Variants in CORO2B observed in about 807,000 individuals in gnomAD.
CORO2B encodes the protein coronin 2B.
A neutral mutation model predicts 58.8 loss-of-function variants in CORO2B; 26 were observed. The observed-to-expected ratio is 0.44, with a 90% CI of 0.32 to 0.61. The LOEUF (loss-of-function observed/expected upper bound fraction) is 0.61, where lower values mean the gene tolerates loss of function less well. Among genes scored for constraint, CORO2B ranks in the 20% least tolerant of loss-of-function variants. CORO2B has a pLI of 0.04. For missense variants in CORO2B, 460 were observed against 645.1 expected (o/e 0.71, Z 3.11); for synonymous variants, 242 against 253.8 (o/e 0.95, Z 0.44).
chr15:68,650,801 G>A (rs897925714), intron 2 of CORO2B, among the ~76,000 whole-genome samples: 2 of 152,084 alleles, frequency 1.3e-5, no homozygotes, highest in African/African-American at 4.8e-5. Flanking sequence ...GAGGCAATTC[G>A]CTGATGTGAA....
intron 1 of CORO2B, among the ~76,000 whole-genome samples, chr15:68,610,851 A>T (rs1595966891): frequency 6.6e-6 from 1 of 152,166 alleles, no homozygotes; most frequent in African/African-American, 2.4e-5. Flanking sequence ...TAGACACTTC[A>T]CTGTCCCTTG....
chr15:68,630,268 G>T (rs1157823537), intron 1 of CORO2B, among the ~76,000 whole-genome samples: 1 of 152,206 alleles, frequency 6.6e-6, no homozygotes, highest in Non-Finnish European at 1.5e-5. Flanking sequence ...CGGGCAGCAT[G>T]AACTTGACTA....
At position 68,671,396 on chromosome 15, in the gene CORO2B, C is replaced by T. The variant is rs142001764; in HGVS notation, c.217-23744C>T. ...TAGACCCACATATGAGCCAAAGCCT[C>T]ACCCACATGGCTTACCTGCCTCAGT... On this transcript the variant is annotated intron_variant, in intron 2 of 11. Transcript: ENST00000261861. Among the ~76,000 whole-genome samples, 3 of 152,316 alleles carry T rather than the reference C, an allele frequency of 2.0e-5. No homozygotes were observed. In the East Asian group the frequency reaches 5.8e-4, roughly 29 times the overall value.
chr15:68,710,596 T>C lies in CORO2B; in HGVS notation c.334-136T>C. On this transcript the variant is annotated intron_variant, in intron 3 of 11. Coordinates refer to ENST00000261861, the MANE Select transcript of CORO2B (RefSeq NM_006091.5). This position sits in a 1 kb window ranked among gnomAD's most constrained non-coding sequence, Gnocchi z 4.1. Reference sequence around the variant, plus strand: ...CCTCCCAGCAGGCCTCAGTCGAGCTTTGCCCATCGCCTCAAGCCAGGAGGT... The same window carrying C: ...CCTCCCAGCAGGCCTCAGTCGAGCTCTGCCCATCGCCTCAAGCCAGGAGGT... The C allele has an allele frequency of 9.6e-7, 1 of 1,039,894 alleles. No individual in the cohort carries two copies. The highest frequency in any genetic ancestry group is 1.3e-6 in the Non-Finnish European group (1 of 753,992). 64.4% of individuals were successfully genotyped at this position (1,039,894 alleles called of 1,614,324 possible). A position where few individuals can be genotyped will look rare whatever the true frequency, so the allele number is the denominator to read the frequency against.
intron 3 of CORO2B, among the ~76,000 whole-genome samples, chr15:68,701,764 G>A (rs1230980818): frequency 6.6e-6 from 1 of 152,012 alleles, no homozygotes; most frequent in African/African-American, 2.4e-5. Flanking sequence ...GATTACAGGC[G>A]TGAGCCACTG....
At chr15:68,680,019 A>G (rs778966324) in intron 2 of CORO2B, among the ~76,000 whole-genome samples, 37 of 151,530 alleles carry the variant, frequency 2.4e-4, no homozygotes, top group Non-Finnish European at 3.5e-4. Context: ...CTGAGTCTCT[A>G]TGGTGTCTGG....
Position 68,579,208 on chromosome 15 carries a change from C to T in CORO2B, c.-55C>T. 2.9e-6 allele frequency: 3 copies of T among 1,020,746 alleles called. No individual in the cohort carries two copies. The highest frequency in any genetic ancestry group is 3.5e-6 in the Non-Finnish European group (3 of 856,774). 63.2% of individuals were successfully genotyped at this position (1,020,746 alleles called of 1,614,324 possible). Reference sequence around the variant, plus strand: ...CCCTTCCGCCGCCGCCCCGGGCCGCCGCCGCCGCCCCCGCACGCCGCGCCC... The same window carrying T: ...CCCTTCCGCCGCCGCCCCGGGCCGCTGCCGCCGCCCCCGCACGCCGCGCCC... On this transcript the variant is annotated 5_prime_UTR_variant, in exon 1 of 12. Coordinates refer to ENST00000261861, the MANE Select transcript of CORO2B (RefSeq NM_006091.5).
upstream of CORO2B, among the ~76,000 whole-genome samples, chr15:68,576,229 C>A (rs1243778665): frequency 6.7e-6 from 1 of 149,968 alleles, no homozygotes; most frequent in Admixed American, 6.6e-5. Flanking sequence ...CATGCAGAGG[C>A]CGTGACTGGG....
At chr15:68,714,687 CG>C in intron 7 of CORO2B, 24 bp downstream of exon 7, 1 of 1,579,902 alleles carries the variant, frequency 6.3e-7, no homozygotes, top group Non-Finnish European at 8.7e-7. Flanking sequence ...GGGGAGGGCC[CG>C]GGGCAGCCTG....
Position 68,726,136 on chromosome 15 carries a change from C to T in CORO2B, c.*162C>T. 2.3e-6 allele frequency: 2 copies of T among 863,416 alleles called. No individual in the cohort carries two copies. The highest frequency in any genetic ancestry group is 1.6e-5 in the South Asian group (1 of 63,314). 53.5% of individuals were successfully genotyped at this position (863,416 alleles called of 1,614,324 possible). On this transcript the variant is annotated 3_prime_UTR_variant, in exon 12 of 12. Transcript: ENST00000261861. ...CGAGAACTGGAAGCCAACCTCTAAC[C>T]TCCTGACCTCATGCTAATAAAAGTC...
intron 1 of CORO2B, among the ~76,000 whole-genome samples, chr15:68,593,110 G>C (rs552162374): frequency 1.3e-5 from 2 of 152,200 alleles, no homozygotes; most frequent in South Asian, 4.1e-4. Context: ...CTTTCATCAG[G>C]AGCCCACTCC....
chr15:68,672,788 T>C (rs1244390740), intron 2 of CORO2B, among the ~76,000 whole-genome samples: 1 of 152,134 alleles, frequency 6.6e-6, no homozygotes, highest in African/African-American at 2.4e-5. Flanking sequence ...CCTTAGGTTA[T>C]GAGGCAGGGA....
chr15:68,675,326 A>G (rs1380975554), intron 2 of CORO2B, among the ~76,000 whole-genome samples: 1 of 152,150 alleles, frequency 6.6e-6, no homozygotes, highest in African/African-American at 2.4e-5. Context: ...AGCTGTGTCA[A>G]TTCCCTTTCC....
At chr15:68,719,655 T>C (rs1319635228) in intron 11 of CORO2B, 103 bp downstream of exon 11, 1 of 1,347,152 alleles carries the variant, frequency 7.4e-7, no homozygotes, top group Non-Finnish European at 1.0e-6. Context: ...TCTGAGACAT[T>C]TTTCTTTCTG....
intron 2 of CORO2B, among the ~76,000 whole-genome samples, chr15:68,662,779 C>A (rs1238180012): frequency 6.6e-6 from 1 of 152,160 alleles, no homozygotes; most frequent in Non-Finnish European, 1.5e-5. Flanking sequence ...TTCTCAACTG[C>A]AAATGACACC....
chr15:68,567,273 A>T, the CORO2B span, among the ~76,000 whole-genome samples: 1 of 152,212 alleles, frequency 6.6e-6, no homozygotes, highest in Non-Finnish European at 1.5e-5. Flanking sequence ...TTAGTTTTAC[A>T]TGTACATGGG....
chr15:68,706,233 T>G (rs1442407828), intron 3 of CORO2B, among the ~76,000 whole-genome samples: 1 of 152,216 alleles, frequency 6.6e-6, no homozygotes, highest in Non-Finnish European at 1.5e-5. Context: ...TGGGCATTTT[T>G]CTGCCTCCTC....
At position 68,725,903 on chromosome 15, in the gene CORO2B, C is replaced by A. The variant is rs540798094; in HGVS notation, c.1372C>A (p.Gln458Lys). 1 of 1,614,074 alleles carries A rather than the reference C, an allele frequency of 6.2e-7. No homozygotes were observed. Among genetic ancestry groups the A allele is most frequent in the Non-Finnish European group, 8.5e-7 (1 of 1,180,020 alleles). ...EIRRLKEELA[Q>K]KDIRIRQLQL... ...TCGACGGTTGAAAGAGGAGCTGGCC[C>A]AGAAGGACATCCGCATTCGGCAGCT... is the stretch of plus-strand genomic sequence containing the variant. The change falls in exon 12 of 12, where the codon CAG becomes AAG. Residue 458 changes from glutamine to lysine, a missense_variant. Around this residue, in one of 2 missense-constraint regions of CORO2B, gnomAD observed 108 missense variants for 102.1 expected, o/e 1.06. Coordinates refer to ENST00000261861, the MANE Select transcript of CORO2B (RefSeq NM_006091.5).
At chr15:68,630,422 G>GTT (rs11381045) in intron 1 of CORO2B, among the ~76,000 whole-genome samples, 23,077 of 149,630 alleles carry the variant, frequency 0.15, 1,939 homozygotes, top group African/African-American at 0.22. Context: ...GAAATGAAAT[G>GTT]TTTTTTTTTT....
Sources: gnomAD v4.1 joint callset for allele counts (sites outside exome capture counted in the v4.1 genomes callset) on GRCh38, gnomAD v4.1.1 for gene constraint, gnomAD v4.1.1 regional missense constraint, Gnocchi (gnomAD v3.1) non-coding constraint, MANE v1.5 for transcripts, NCBI Gene and HGNC (gene_info 2026-07-23, HGNC 2026-07-21) for gene names.